Variants in PITPNA observed in about 807,000 individuals in gnomAD.
PITPNA encodes the protein phosphatidylinositol transfer protein alpha isoform.
Under a neutral mutation model 50.3 loss-of-function variants are expected in PITPNA, and 13 were observed. That is an observed-to-expected ratio of 0.26 (90% CI 0.17 to 0.41). The LOEUF (loss-of-function observed/expected upper bound fraction) is 0.41. Among genes scored for constraint, PITPNA ranks in the 10% least tolerant of loss-of-function variants. PITPNA has a pLI of 1.00. For missense variants in PITPNA, 207 were observed against 333.4 expected (o/e 0.62, Z 2.95); for synonymous variants, 120 against 119.6 (o/e 1.00, Z -0.02).
At position 1,517,839 on chromosome 17, in the gene PITPNA, CTAT is replaced by C. The variant is rs1393963814; in HGVS notation, c.*2719_*2721del. 1.3e-5 allele frequency: 2 copies of C among 152,354 alleles called. No individual in the cohort carries two copies. Among genetic ancestry groups the C allele is most frequent in the African/African-American group, 2.4e-5 (1 of 41,434 alleles). The allele number at this position is 152,354 out of a possible 1,614,324, so 9.4% of individuals were successfully genotyped here. A position where few individuals can be genotyped will look rare whatever the true frequency, so the allele number is the denominator to read the frequency against. On this transcript the variant is annotated 3_prime_UTR_variant, in exon 12 of 12. Transcript: ENST00000313486. ...TTTGCATAAGTAAACTGACACGGGA[CTAT>C]TATATGCAGAAATCCACGTGCAAAA...
intron 10 of PITPNA, among the ~76,000 whole-genome samples, chr17:1,523,505 CTTTTTTT>C (rs11401118): frequency 4.8e-4 from 56 of 117,400 alleles, no homozygotes; most frequent in Admixed American, 1.7e-3. Flanking sequence ...CCACGCCTGG[CTTTTTTT>C]TTTTTTTTTT....
At chr17:1,558,708 G>C in intron 1 of PITPNA, 149 bp from the exon 2 acceptor site, 2 of 606,086 alleles carry the variant, frequency 3.3e-6, no homozygotes, top group African/African-American at 3.7e-5. Flanking sequence ...GGCCCTTTGA[G>C]TGCTCTGAGG....
intron 3 of PITPNA, among the ~76,000 whole-genome samples, chr17:1,548,959 T>C (rs1349651890): frequency 6.6e-6 from 1 of 152,216 alleles, no homozygotes; most frequent in East Asian, 1.9e-4. Flanking sequence ...TGGAGTGCAG[T>C]GCTGCGATCT....
In PITPNA at chr17:1,535,299, T is replaced by G; in HGVS notation, c.535-7A>C. On this transcript the variant is annotated splice_polypyrimidine_tract_variant and splice_region_variant and intron_variant, in intron 8 of 11. Transcript: ENST00000313486. Reference sequence around the variant, plus strand: ...TCTGGTTTACAAGCTCTTGCTGCATTAGAAACATACCCATGGGTACGCAAG... The same window carrying G: ...TCTGGTTTACAAGCTCTTGCTGCATGAGAAACATACCCATGGGTACGCAAG... 6.3e-7 allele frequency: 1 copy of G among 1,599,642 alleles called. No individual in the cohort carries two copies. Among genetic ancestry groups the G allele is most frequent in the Non-Finnish European group, 8.6e-7 (1 of 1,166,858 alleles).
At chr17:1,561,935 C>T (rs1274034076) in intron 1 of PITPNA, among the ~76,000 whole-genome samples, 1 of 152,136 alleles carries the variant, frequency 6.6e-6, no homozygotes, top group African/African-American at 2.4e-5. Flanking sequence ...TCCCCACCGC[C>T]GGGAGGCCCT....
intron 2 of PITPNA, among the ~76,000 whole-genome samples, chr17:1,558,243 A>AAAG (rs1414938296): frequency 6.6e-6 from 1 of 151,518 alleles, no homozygotes; most frequent in Non-Finnish European, 1.5e-5. Flanking sequence ...AAAAAAAAAA[A>AAAG]AAAAAGGGTC....
chr17:1,536,783 G>A (rs1295145692), intron 7 of PITPNA, among the ~76,000 whole-genome samples: 2 of 151,502 alleles, frequency 1.3e-5, no homozygotes, highest in Non-Finnish European at 2.9e-5. Context: ...TGTAGAGACG[G>A]GGTTTCACCA....
intron 4 of PITPNA, among the ~76,000 whole-genome samples, chr17:1,545,639 T>C (rs2075669447): frequency 6.6e-6 from 1 of 152,232 alleles, no homozygotes; most frequent in African/African-American, 2.4e-5. Context: ...TAGCGCATGG[T>C]GCTGATACAG....
intron 5 of PITPNA, 146 bp from the exon 6 acceptor site, chr17:1,541,786 G>C (rs556621077): frequency 1.4e-6 from 1 of 714,658 alleles, no homozygotes; most frequent in South Asian, 1.5e-5. Context: ...ACTTGACTGG[G>C]AGCCCACGAC....
At chr17:1,528,178 G>A (rs546490142) in intron 10 of PITPNA, among the ~76,000 whole-genome samples, 55 of 152,288 alleles carry the variant, frequency 3.6e-4, no homozygotes, top group Non-Finnish European at 4.6e-4. Flanking sequence ...TTGTTCTGTC[G>A]CCAAGGCTGG....
intron 5 of PITPNA, among the ~76,000 whole-genome samples, chr17:1,541,970 C>T (rs1450932966): frequency 2.0e-5 from 3 of 152,084 alleles, no homozygotes; most frequent in Admixed American, 6.5e-5. Context: ...GAGGCCGAGG[C>T]GGGCGGATCA....
intron 4 of PITPNA, among the ~76,000 whole-genome samples, 175 bp downstream of exon 4, chr17:1,548,121 C>T (rs1034077039): frequency 4.6e-5 from 7 of 152,246 alleles, no homozygotes; most frequent in African/African-American, 7.2e-5. Flanking sequence ...CCGTGACGAC[C>T]GGTGCTTCTC....
At chr17:1,557,885 T>C (rs9890892) in intron 2 of PITPNA, among the ~76,000 whole-genome samples, 57,742 of 151,994 alleles carry the variant, frequency 0.38, 11,642 homozygotes, top group East Asian at 0.65. Flanking sequence ...CCACGCACAC[T>C]TGCCAGCCGA....
At chr17:1,536,747 C>A (rs1002777088) in intron 7 of PITPNA, among the ~76,000 whole-genome samples, 15 of 150,936 alleles carry the variant, frequency 9.9e-5, no homozygotes, top group African/African-American at 3.4e-4. Flanking sequence ...GCGCCTGCGA[C>A]CACGCCAGGG....
rs754499881 is a variant in PITPNA at position 1,535,419 on chromosome 17, G to A, written c.534+22C>T. On this transcript the variant is annotated intron_variant, in intron 8 of 11. Coordinates refer to ENST00000313486, the MANE Select transcript of PITPNA (RefSeq NM_006224.4). ...CACCCACATGCTGCCCAGCCCCCTG[G>A]CAGTGAAGGTGTGAATGGTACCTTC... is the stretch of plus-strand genomic sequence containing the variant. The A allele has an allele frequency of 6.3e-6, 10 of 1,590,242 alleles. No individual in the cohort carries two copies. The Admixed American group carries it at 6.7e-5, about 11-fold the overall frequency.
chr17:1,545,211 A>C (rs187740434), intron 4 of PITPNA, among the ~76,000 whole-genome samples: 1 of 152,324 alleles, frequency 6.6e-6, no homozygotes, highest in Non-Finnish European at 1.5e-5. Flanking sequence ...AAACAAGCTA[A>C]GAACAGCAAG....
Position 1,553,149 on chromosome 17 carries a change from A to G in PITPNA, c.52T>C (p.Tyr18His). 1 of 1,613,912 alleles carries G rather than the reference A, an allele frequency of 6.2e-7. No homozygotes were observed. Among genetic ancestry groups the G allele is most frequent in the Non-Finnish European group, 8.5e-7 (1 of 1,179,872 alleles). Residue 18 changes from tyrosine (Y) to histidine (H), a missense_variant and splice_region_variant, in exon 3 of 12, where the codon TAT becomes CAT. Coordinates refer to ENST00000313486, the MANE Select transcript of PITPNA (RefSeq NM_006224.4). ...ACAGAATACAGCTGCCCCACTTGAT[A>G]CTAAAGGACAGAGACAGATGTTATT... ...RVILPVSVDE[Y>H]QVGQLYSVAE...
At chr17:1,521,873 C>CTTTT (rs869029944) in intron 10 of PITPNA, among the ~76,000 whole-genome samples, 7 of 121,846 alleles carry the variant, frequency 5.7e-5, no homozygotes, top group African/African-American at 2.0e-4. Context: ...TTTGAAGCAC[C>CTTTT]TTTTTTTTTT....
At position 1,548,284 on chromosome 17, in the gene PITPNA, G is replaced by A. The variant is rs113602891; in HGVS notation, c.289+12C>T. On this transcript the variant is annotated intron_variant, in intron 4 of 11. Coordinates refer to ENST00000313486, the MANE Select transcript of PITPNA (RefSeq NM_006224.4). ...GCCCCTGCCTGGCCGACGTGGCCCC[G>A]GCTGCACTCACCGGTTCTGCAGTAG... 0.036 allele frequency: 56,429 copies of A among 1,586,696 alleles called. 1,117 individuals are homozygous for A. Among genetic ancestry groups the A allele is most frequent in the Non-Finnish European group, 0.04 (46,046 of 1,161,418 alleles).
Sources: gnomAD v4.1 joint callset for allele counts (sites outside exome capture counted in the v4.1 genomes callset) on GRCh38, gnomAD v4.1.1 for gene constraint, MANE v1.5 for transcripts, NCBI Gene and HGNC (gene_info 2026-07-23, HGNC 2026-07-21) for gene names.